Variants in RC3H2 observed in about 807,000 individuals in gnomAD.
RC3H2 encodes the protein roquin-2.
A neutral mutation model predicts 133.3 loss-of-function variants in RC3H2; 31 were observed. The ratio of observed to expected loss-of-function variants is 0.23; its 90% CI spans 0.17 to 0.31. The LOEUF (loss-of-function observed/expected upper bound fraction) is 0.31. RC3H2 is among the 10% of genes least tolerant of loss of function. RC3H2 has a pLI of 1.00. For missense variants in RC3H2, 1,175 were observed against 1,437.2 expected (o/e 0.82, Z 2.95); for synonymous variants, 517 against 502.2 (o/e 1.03, Z -0.40).
chr9:122,868,731 T>C (rs1012680898), intron 9 of RC3H2, among the ~76,000 whole-genome samples: 17 of 151,186 alleles, frequency 1.1e-4, no homozygotes, highest in Admixed American at 6.6e-5. Flanking sequence ...CACCCAAGAA[T>C]GATCAATAAA....
intron 9 of RC3H2, chr9:122,874,802 G>A (rs1831262226): frequency 1.2e-5 from 2 of 170,554 alleles, no homozygotes; most frequent in African/African-American, 2.4e-5. Context: ...ATACAGGCAT[G>A]AGCCACTACA....
At position 122,857,927 on chromosome 9, in the gene RC3H2, G is replaced by T. The variant is rs375871590; in HGVS notation, c.2450C>A (p.Ala817Glu). ...PSPLFSVDFRADFSESVSGTK... is the reference protein window; with the variant it reads ...PSPLFSVDFREDFSESVSGTK... ...AGTAATTAAAACCTTTCTTACATCC[G>T]CACGAAAGTCTACACTGAACAGAGG... Residue 817 changes from alanine (A) to glutamate (E), a missense_variant, in exon 13 of 21, where the codon GCG becomes GAG. By Grantham distance (107) the Ala-to-Glu change is moderately radical (BLOSUM62 -1). Transcript: ENST00000357244. 1.2e-6 allele frequency: 2 copies of T among 1,611,928 alleles called. No homozygotes were observed. The highest frequency in any genetic ancestry group is 1.3e-5 in the African/African-American group (1 of 74,936).
intron 2 of RC3H2, among the ~76,000 whole-genome samples, chr9:122,893,571 A>G (rs1753684176): frequency 6.6e-6 from 1 of 152,186 alleles, no homozygotes; most frequent in African/African-American, 2.4e-5. Context: ...GAAGGAAGAA[A>G]AGAAGCAGAA....
chr9:122,873,276 T>C (rs1293121648), intron 9 of RC3H2, among the ~76,000 whole-genome samples: 1 of 152,224 alleles, frequency 6.6e-6, no homozygotes, highest in African/African-American at 2.4e-5. Context: ...TCTAATCCTT[T>C]GTATTATCCC....
At chr9:122,866,006 G>A (rs1435713041) in intron 9 of RC3H2, among the ~76,000 whole-genome samples, 1 of 152,036 alleles carries the variant, frequency 6.6e-6, no homozygotes, top group African/African-American at 2.4e-5. Context: ...AGAATATAAG[G>A]GATGTTATGT....
rs759759476 is a variant in RC3H2, at chr9:122,880,367, CT to C, written c.960+226del. ...GGTCAGAATATAGATAAATTTGAGA[CT>C]TTGTAAGCCTCACTGCTTTTATGCT... On this transcript the variant is annotated intron_variant, in intron 6 of 20. Coordinates refer to ENST00000357244, the MANE Select transcript of RC3H2 (RefSeq NM_001100588.3). 4 of 728,248 alleles carry C rather than the reference CT, an allele frequency of 5.5e-6. No individual in the cohort carries two copies. In the East Asian group the frequency reaches 1.0e-4, roughly 18 times the overall value. The allele number at this position is 728,248 out of a possible 1,614,324, so 45.1% of individuals were successfully genotyped here.
chr9:122,876,117 A>G (rs1831323848), intron 9 of RC3H2, among the ~76,000 whole-genome samples: 1 of 152,150 alleles, frequency 6.6e-6, no homozygotes, highest in South Asian at 2.1e-4. Flanking sequence ...AATATATAGG[A>G]AGATGAATTG....
intron 9 of RC3H2, among the ~76,000 whole-genome samples, chr9:122,871,630 G>C (rs968757402): frequency 1.3e-5 from 2 of 151,572 alleles, no homozygotes; most frequent in African/African-American, 4.9e-5. Context: ...GCCAAATGTT[G>C]TATCTTCTAA....
chr9:122,881,332 C>G (rs1831617990), intron 5 of RC3H2, among the ~76,000 whole-genome samples: 1 of 151,538 alleles, frequency 6.6e-6, no homozygotes, highest in African/African-American at 2.4e-5. Flanking sequence ...AGAAAAAATA[C>G]AAAAACTAGT....
In RC3H2 at chr9:122,849,069, T is replaced by G. The variant is rs571931171; in HGVS notation, c.*558A>C. ...TAAAGAATGCTAGTATATAACCCTG[T>G]AAAATTCTATGGTAAGAACATCTAA... is the stretch of plus-strand genomic sequence containing the variant. On this transcript the variant is annotated 3_prime_UTR_variant, in exon 21 of 21. Coordinates refer to ENST00000357244, the MANE Select transcript of RC3H2 (RefSeq NM_001100588.3). The G allele has an allele frequency of 1.5e-4, 23 of 152,226 alleles. No homozygotes were observed. The highest frequency in any genetic ancestry group is 1.4e-3 in the Admixed American group (21 of 15,290). 9.4% of individuals were successfully genotyped at this position (152,226 alleles called of 1,614,324 possible).
intron 13 of RC3H2, among the ~76,000 whole-genome samples, chr9:122,856,196 AAAC>A (rs912211152): frequency 6.6e-6 from 1 of 152,182 alleles, no homozygotes; most frequent in Non-Finnish European, 1.5e-5. Context: ...AAGTAAGAGA[AAAC>A]AAATACATAG....
At chr9:122,851,032 T>G in intron 20 of RC3H2, 49 bp downstream of exon 20, 1 of 1,591,822 alleles carries the variant, frequency 6.3e-7, no homozygotes, top group Non-Finnish European at 8.6e-7. Flanking sequence ...TTTTTTCTCT[T>G]TATTATGTCC....
intron 9 of RC3H2, among the ~76,000 whole-genome samples, chr9:122,869,580 T>C (rs1050213127): frequency 6.6e-5 from 8 of 121,346 alleles, no homozygotes; most frequent in African/African-American, 3.1e-4. Context: ...TTTTTTTTTT[T>C]TGAGGCGGAG....
At chr9:122,887,941 C>T (rs1219548154) in intron 4 of RC3H2, among the ~76,000 whole-genome samples, 8 of 152,064 alleles carry the variant, frequency 5.3e-5, no homozygotes, top group Non-Finnish European at 7.4e-5. Context: ...GACAGGGTTT[C>T]GCCATGTTGG....
At chr9:122,863,508 A>G (rs1453076851) in intron 10 of RC3H2, among the ~76,000 whole-genome samples, 1 of 152,116 alleles carries the variant, frequency 6.6e-6, no homozygotes, top group African/African-American at 2.4e-5. Flanking sequence ...GTAATTTCCC[A>G]TATTTCTCCC....
intron 9 of RC3H2, among the ~76,000 whole-genome samples, chr9:122,871,530 A>T (rs1415559710): frequency 6.8e-6 from 1 of 147,596 alleles, no homozygotes; most frequent in Non-Finnish European, 1.5e-5. Flanking sequence ...TCATCGTGTT[A>T]GCCAGGATAG....
rs1830599702 is a variant in RC3H2 at position 122,865,331 on chromosome 9, T to C, written c.1634+18A>G. 6.4e-7 allele frequency: 1 copy of C among 1,570,206 alleles called. No homozygotes were observed. The highest frequency in any genetic ancestry group is 1.4e-5 in the African/African-American group (1 of 73,090). ...AAGGAAAAAGAATTTCCAGTAATCA[T>C]TTTTACCTAATACCTACTTTTCAGT... On this transcript the variant is annotated intron_variant, in intron 10 of 20. Coordinates refer to ENST00000357244, the MANE Select transcript of RC3H2 (RefSeq NM_001100588.3).
In RC3H2 at chr9:122,845,754, T is replaced by C. The variant is rs1829855299; in HGVS notation, c.*3873A>G. On this transcript the variant is annotated 3_prime_UTR_variant, in exon 21 of 21. Transcript: ENST00000357244. ...CAGAAAATGGGATACTCCTTGAGCA[T>C]GTTCTTTTGTGTTCTGCTTGCAGAA... The C allele has an allele frequency of 6.6e-6, 1 of 152,202 alleles. No homozygotes were observed. Among genetic ancestry groups the C allele is most frequent in the African/African-American group, 2.4e-5 (1 of 41,448 alleles). The allele number at this position is 152,202 out of a possible 1,614,324, so 9.4% of individuals were successfully genotyped here. A position where few individuals can be genotyped will look rare whatever the true frequency, so the allele number is the denominator to read the frequency against.
In RC3H2 at chr9:122,877,558, G is replaced by A; in HGVS notation, c.1238C>T (p.Thr413Ile). 6.2e-7 allele frequency: 1 copy of A among 1,614,126 alleles called. No homozygotes were observed. Among genetic ancestry groups the A allele is most frequent in the Non-Finnish European group, 8.5e-7 (1 of 1,179,974 alleles). ...CTGTCGCAAATCTCGGCACATGCTAGTCTTGTATTTGCTGTTTGGCTGAGG... is the reference window on the plus strand; with the variant it reads ...CTGTCGCAAATCTCGGCACATGCTAATCTTGTATTTGCTGTTTGGCTGAGG... ...PQPQPNSKYK[T>I]SMCRDLRQQG... is the part of the protein sequence containing the mutation. The change falls in exon 9 of 21, where the codon ACT becomes ATT. Residue 413 changes from threonine (T) to isoleucine (I), a missense_variant. By Grantham distance (89) the Thr-to-Ile change is moderately conservative (BLOSUM62 -1). This residue lies in a region of RC3H2 where 131 missense variants were observed against 154.2 expected (regional missense o/e 0.85). Transcript: ENST00000357244.
Sources: gnomAD v4.1 joint callset for allele counts (sites outside exome capture counted in the v4.1 genomes callset) on GRCh38, gnomAD v4.1.1 for gene constraint, gnomAD v4.1.1 regional missense constraint, MANE v1.5 for transcripts, NCBI Gene and HGNC (gene_info 2026-07-23, HGNC 2026-07-21) for gene names.